The following PI3 variants were observed in gnomAD, a reference collection of about 807,000 sequenced individuals.
PI3 encodes the protein peptidase inhibitor 3.
A neutral mutation model predicts 6.0 loss-of-function variants in PI3; 4 were observed. The ratio of observed to expected loss-of-function variants is 0.67; its 90% CI spans 0.33 to 1.54. The LOEUF (loss-of-function observed/expected upper bound fraction) is 1.54. PI3 is among the 40% of genes most tolerant of loss of function. The pLI is 0.06. For synonymous variants in PI3, 58 were observed against 56.9 expected (o/e 1.02, Z -0.09); for missense variants, 149 against 147.6 (o/e 1.01, Z -0.05).
In PI3 at chr20:45,175,867, T is replaced by A; in HGVS notation, c.86T>A (p.Val29Asp). The A allele has an allele frequency of 6.2e-7, 1 of 1,613,958 alleles. No homozygotes were observed. The highest frequency in any genetic ancestry group is 8.5e-7 in the Non-Finnish European group (1 of 1,179,894). The change falls in exon 2 of 3, where the codon GTT becomes GAT. Residue 29 changes from valine (V) to aspartate (D), a missense_variant. Coordinates refer to ENST00000243924, the MANE Select transcript of PI3 (RefSeq NM_002638.4). ...TCGTTTCTTCTTTTAACAGTTCCTG[T>A]TAAAGGTCAAGACACTGTCAAAGGC... Reference protein sequence around the residue: ...VLEAAVTGVPVKGQDTVKGRV... With the variant: ...VLEAAVTGVPDKGQDTVKGRV...
rs771813393 is a variant in PI3, at chr20:45,175,962, GC to G, written c.182del (p.Ala61GlyfsTer20). ...AGTTAAAGGTCAAGATAAAGTCAAA[GC>G]GCAAGAGCCAGTCAAAGGTCCAGTC... ...VSVKGQDKVK[A>X]QEPVKGPVST... On this transcript the variant is annotated frameshift_variant, in exon 2 of 3. Coordinates refer to ENST00000243924, the MANE Select transcript of PI3 (RefSeq NM_002638.4). LOFTEE classifies it high-confidence loss of function. The G allele has an allele frequency of 1.4e-5, 22 of 1,614,076 alleles. No individual in the cohort carries two copies. The highest frequency in any genetic ancestry group is 1.6e-5 in the Non-Finnish European group (19 of 1,180,024).
chr20:45,175,981 G>T lies in PI3; in HGVS notation c.200G>T (p.Gly67Val), dbSNP rs759303176. ...DKVKAQEPVK[G>V]PVSTKPGSCP... ...GTCAAAGCGCAAGAGCCAGTCAAAG[G>T]TCCAGTCTCCACTAAGCCTGGCTCC... Residue 67 changes from glycine (G) to valine (V), a missense_variant, in exon 2 of 3, where the codon GGT (glycine) becomes GTT (valine). By Grantham distance (109) the Gly-to-Val change is moderately radical. Transcript: ENST00000243924. 1.9e-6 allele frequency: 3 copies of T among 1,614,168 alleles called. No individual in the cohort carries two copies. Among genetic ancestry groups the T allele is most frequent in the Non-Finnish European group, 2.5e-6 (3 of 1,180,022 alleles).
chr20:45,175,127 G>T, intron 1 of PI3, 126 bp downstream of exon 1: 1 of 607,804 alleles, frequency 1.6e-6, no homozygotes. Context: ...TCAGCTTTCT[G>T]TTCTTTGCCA....
At position 45,174,996 on chromosome 20, in the gene PI3, C is replaced by T. The variant is rs778635514; in HGVS notation, c.74C>T (p.Thr25Met). Residue 25 changes from threonine (T) to methionine (M), a missense_variant, in exon 1 of 3, where the codon ACG becomes ATG. Transcript: ENST00000243924. ...ACGCTGGTTCTAGAGGCAGCTGTCA[C>T]GGGAGGTGAGTGAACAGGTGACCTG... ...AGTLVLEAAV[T>M]GVPVKGQDTV... The T allele has an allele frequency of 2.1e-5, 34 of 1,611,208 alleles. No individual in the cohort carries two copies. The highest frequency in any genetic ancestry group is 9.9e-5 in the South Asian group (9 of 90,840).
At chr20:45,175,089 A>G in intron 1 of PI3, 88 bp downstream of exon 1, 1 of 832,770 alleles carries the variant, frequency 1.2e-6, no homozygotes. Context: ...GCACTTCTGA[A>G]GCAGTAGGCA....
Position 45,175,012 on chromosome 20 carries a change from A to C in PI3, c.79+11A>C, listed in dbSNP as rs761682165. 5 of 1,607,724 alleles carry C rather than the reference A, an allele frequency of 3.1e-6. No individual in the cohort carries two copies. The highest frequency in any genetic ancestry group is 4.3e-6 in the Non-Finnish European group (5 of 1,175,686). ...CAGCTGTCACGGGAGGTGAGTGAAC[A>C]GGTGACCTGCTGGGCTGGGTTGGAC... On this transcript the variant is annotated intron_variant, in intron 1 of 2. Coordinates refer to ENST00000243924, the MANE Select transcript of PI3 (RefSeq NM_002638.4).
Position 45,176,044 on chromosome 20 carries a change from C to T in PI3, c.263C>T (p.Pro88Leu), listed in dbSNP as rs777035679. The T allele has an allele frequency of 1.9e-6, 3 of 1,614,148 alleles. No homozygotes were observed. Among genetic ancestry groups the T allele is most frequent in the East Asian group, 2.2e-5 (1 of 44,880 alleles). ...IILIRCAMLNPPNRCLKDTDC... is the reference protein window; with the variant it reads ...IILIRCAMLNLPNRCLKDTDC... ...TTGATCCGGTGCGCCATGTTGAATC[C>T]CCCTAACCGCTGCTTGAAAGATACT... Residue 88 changes from proline (P) to leucine (L), a missense_variant, in exon 2 of 3, where the codon CCC becomes CTC. By Grantham distance (98) the Pro-to-Leu change is moderately conservative (BLOSUM62 -3). Coordinates refer to ENST00000243924, the MANE Select transcript of PI3 (RefSeq NM_002638.4).
Position 45,175,019 on chromosome 20 carries a change from C to G in PI3, c.79+18C>G. The G allele has an allele frequency of 1.2e-6, 2 of 1,602,768 alleles. No individual in the cohort carries two copies. The highest frequency in any genetic ancestry group is 1.7e-6 in the Non-Finnish European group (2 of 1,172,408). ...CACGGGAGGTGAGTGAACAGGTGACCTGCTGGGCTGGGTTGGACTAAGGGG... is the reference window on the plus strand; with the variant it reads ...CACGGGAGGTGAGTGAACAGGTGACGTGCTGGGCTGGGTTGGACTAAGGGG... On this transcript the variant is annotated intron_variant, in intron 1 of 2. Transcript: ENST00000243924.
Position 45,174,997 on chromosome 20 carries a change from G to A in PI3, c.75G>A (p.Thr25=), listed in dbSNP as rs145462673. 1,361 of 1,611,552 alleles carry A rather than the reference G, an allele frequency of 8.4e-4. 1 individual carries two copies. The highest frequency in any genetic ancestry group is 1.1e-3 in the Non-Finnish European group (1,241 of 1,178,364). ...CGCTGGTTCTAGAGGCAGCTGTCAC[G>A]GGAGGTGAGTGAACAGGTGACCTGC... ...AGTLVLEAAV[T]GVPVKGQDTV... Residue 25 remains threonine, a synonymous_variant, in exon 1 of 3, where the codon ACG becomes ACA. Coordinates refer to ENST00000243924, the MANE Select transcript of PI3 (RefSeq NM_002638.4).
At chr20:45,175,076 G>C in intron 1 of PI3, 75 bp downstream of exon 1, 1 of 1,121,982 alleles carries the variant, frequency 8.9e-7, no homozygotes, top group Non-Finnish European at 1.3e-6. Context: ...GCCAGGACAG[G>C]GAGCACTTCT....
chr20:45,176,193 G>A, intron 2 of PI3, 57 bp downstream of exon 2: 1 of 1,569,788 alleles, frequency 6.4e-7, no homozygotes. Flanking sequence ...AGGCTGAGCG[G>A]TGGGGAAGCA....
In PI3 at chr20:45,175,011, C is replaced by T; in HGVS notation, c.79+10C>T. The T allele has an allele frequency of 2.5e-6, 4 of 1,607,582 alleles. No homozygotes were observed. The highest frequency in any genetic ancestry group is 1.3e-5 in the African/African-American group (1 of 74,848). On this transcript the variant is annotated intron_variant, in intron 1 of 2. Transcript: ENST00000243924. Reference sequence around the variant, plus strand: ...GCAGCTGTCACGGGAGGTGAGTGAACAGGTGACCTGCTGGGCTGGGTTGGA... The same window carrying T: ...GCAGCTGTCACGGGAGGTGAGTGAATAGGTGACCTGCTGGGCTGGGTTGGA...
intron 1 of PI3, among the ~76,000 whole-genome samples, chr20:45,175,214 G>A (rs2145559641): frequency 6.6e-6 from 1 of 152,336 alleles, no homozygotes; most frequent in East Asian, 1.9e-4. Flanking sequence ...TATCAGGACT[G>A]TTTGTGGAAG....
Position 45,175,943 on chromosome 20 carries a change from A to T in PI3, c.162A>T (p.Lys54Asn), listed in dbSNP as rs577013247. 6.2e-6 allele frequency: 10 copies of T among 1,614,218 alleles called. No individual in the cohort carries two copies. In the East Asian group the frequency reaches 1.3e-4, roughly 22 times the overall value. ...QDPVKGQVSVKGQDKVKAQEP... is the reference protein window; with the variant it reads ...QDPVKGQVSVNGQDKVKAQEP... Reference sequence around the variant, plus strand: ...CCGTTAAAGGACAAGTTTCAGTTAAAGGTCAAGATAAAGTCAAAGCGCAAG... The same window carrying T: ...CCGTTAAAGGACAAGTTTCAGTTAATGGTCAAGATAAAGTCAAAGCGCAAG... Residue 54 changes from lysine to asparagine, a missense_variant, in exon 2 of 3, where the codon AAA becomes AAT. Coordinates refer to ENST00000243924, the MANE Select transcript of PI3 (RefSeq NM_002638.4).
At chr20:45,175,541 T>G (rs1012630472) in intron 1 of PI3, among the ~76,000 whole-genome samples, 4 of 152,196 alleles carry the variant, frequency 2.6e-5, no homozygotes, top group African/African-American at 9.7e-5. Flanking sequence ...TCTTTCCTAC[T>G]CCAATGCACT....
At position 45,176,051 on chromosome 20, in the gene PI3, C is replaced by G. The variant is rs150180217; in HGVS notation, c.270C>G (p.Asn90Lys). The G allele has an allele frequency of 1.5e-5, 24 of 1,614,082 alleles. No individual in the cohort carries two copies. Among genetic ancestry groups the G allele is most frequent in the Non-Finnish European group, 2.0e-5 (24 of 1,180,024 alleles). The change falls in exon 2 of 3, where the codon AAC becomes AAG. Residue 90 changes from asparagine to lysine, a missense_variant. Asn to Lys is a moderately conservative substitution (Grantham distance 94). Transcript: ENST00000243924. The part of the protein sequence containing the change: ...LIRCAMLNPP[N>K]RCLKDTDCPG... ...GGTGCGCCATGTTGAATCCCCCTAACCGCTGCTTGAAAGATACTGACTGCC... is the reference window on the plus strand; with the variant it reads ...GGTGCGCCATGTTGAATCCCCCTAAGCGCTGCTTGAAAGATACTGACTGCC...
chr20:45,176,417 C>T lies in PI3; in HGVS notation c.*49C>T, dbSNP rs532495620. ...CTGTGCCGTCCCCAGAGCTACAGGCCCCATCTGGTCCTAAGTCCCTGCTGC... is the reference window on the plus strand; with the variant it reads ...CTGTGCCGTCCCCAGAGCTACAGGCTCCATCTGGTCCTAAGTCCCTGCTGC... On this transcript the variant is annotated 3_prime_UTR_variant, in exon 3 of 3. Coordinates refer to ENST00000243924, the MANE Select transcript of PI3 (RefSeq NM_002638.4). The T allele has an allele frequency of 6.8e-4, 323 of 475,934 alleles. 1 individual carries two copies. Among genetic ancestry groups the T allele is most frequent in the Non-Finnish European group, 1.0e-3 (272 of 261,828 alleles). 29.5% of individuals were successfully genotyped at this position (475,934 alleles called of 1,614,324 possible).
Position 45,176,487 on chromosome 20 carries a change from C to T in PI3, c.*119C>T. On this transcript the variant is annotated 3_prime_UTR_variant, in exon 3 of 3. Transcript: ENST00000243924. ...TCCATTCTTCCTCCCATTCAGGATG[C>T]CCACGGCTGGAGCTGCCTCTCTCAT... The T allele has an allele frequency of 3.8e-6, 1 of 265,256 alleles. No homozygotes were observed. The highest frequency in any genetic ancestry group is 7.3e-6 in the Non-Finnish European group (1 of 137,926). The allele number at this position is 265,256 out of a possible 1,614,324, so 16.4% of individuals were successfully genotyped here. A position where few individuals can be genotyped will look rare whatever the true frequency, so the allele number is the denominator to read the frequency against.
At position 45,176,434 on chromosome 20, in the gene PI3, C is replaced by T. The variant is rs1044464400; in HGVS notation, c.*66C>T. 5 of 426,488 alleles carry T rather than the reference C, an allele frequency of 1.2e-5. No individual in the cohort carries two copies. The highest frequency in any genetic ancestry group is 3.8e-5 in the Admixed American group (1 of 26,084). The allele number at this position is 426,488 out of a possible 1,614,324, so 26.4% of individuals were successfully genotyped here. ...CTACAGGCCCCATCTGGTCCTAAGT[C>T]CCTGCTGCCCTTCCCCTTCCCACAC... On this transcript the variant is annotated 3_prime_UTR_variant, in exon 3 of 3. Coordinates refer to ENST00000243924, the MANE Select transcript of PI3 (RefSeq NM_002638.4).
Sources: gnomAD v4.1 joint callset for allele counts (sites outside exome capture counted in the v4.1 genomes callset) on GRCh38, gnomAD v4.1.1 for gene constraint, MANE v1.5 for transcripts, NCBI Gene and HGNC (gene_info 2026-07-23, HGNC 2026-07-21) for gene names.